IL10RB: variants seen among roughly 807,000 people sequenced by gnomAD.
The protein encoded by IL10RB is interleukin-10 receptor subunit beta.
IL10RB carries 30 observed loss-of-function variants against 38.7 expected under a neutral mutation model. That is an observed-to-expected ratio of 0.78 (90% confidence interval 0.58 to 1.05). The LOEUF (loss-of-function observed/expected upper bound fraction) is 1.05, where lower values mean the gene tolerates loss of function less well. Ranked by LOEUF, IL10RB falls within the 50% of genes least tolerant of loss-of-function variation. The pLI, the probability that IL10RB is intolerant of heterozygous loss-of-function variation, is 0.00. For synonymous variants in IL10RB, 142 were observed against 145.9 expected (o/e 0.97, Z 0.19); for missense variants, 328 against 397.1 (o/e 0.83, Z 1.48).
intron 1 of IL10RB, among the ~76,000 whole-genome samples, chr21:33,304,030 G>A (rs1165023084): frequency 6.6e-6 from 1 of 152,196 alleles, no homozygotes; most frequent in Non-Finnish European, 1.5e-5. Flanking sequence ...CAGGCAGAGG[G>A]CTGATGGGGC....
At chr21:33,285,588 C>T (rs1046765799) in intron 5 of IL10RB, among the ~76,000 whole-genome samples, 2 of 152,188 alleles carry the variant, frequency 1.3e-5, no homozygotes, top group African/African-American at 2.4e-5. Flanking sequence ...ATGTCACCAT[C>T]ACCCAGATGT....
chr21:33,270,923 C>T (rs1028908893), intron 2 of IL10RB, among the ~76,000 whole-genome samples: 1 of 151,616 alleles, frequency 6.6e-6, no homozygotes, highest in Non-Finnish European at 1.5e-5. Flanking sequence ...GATCCACCTG[C>T]CTCAGTCTCC....
rs922350498 is a variant in IL10RB, at chr21:33,296,339, G to T, written c.960G>T (p.Gly320=). Residue 320 remains glycine, a synonymous_variant, in exon 7 of 7, where the codon GGG becomes GGT. Transcript: ENST00000290200. ...GDSCSLGTPP[G]QGPQS is the part of the protein sequence containing the mutation. Reference sequence around the variant, plus strand: ...GCTGCAGCCTCGGGACCCCGCCTGGGCAGGGGCCCCAAAGCTAGGCTCTGA... The same window carrying T: ...GCTGCAGCCTCGGGACCCCGCCTGGTCAGGGGCCCCAAAGCTAGGCTCTGA... The T allele has an allele frequency of 6.2e-7, 1 of 1,613,580 alleles. No individual in the cohort carries two copies. Among genetic ancestry groups the T allele is most frequent in the Non-Finnish European group, 8.5e-7 (1 of 1,179,982 alleles).
chr21:33,290,263 G>A (rs985247017), intron 6 of IL10RB, among the ~76,000 whole-genome samples: 3 of 152,044 alleles, frequency 2.0e-5, no homozygotes, highest in African/African-American at 7.2e-5. Flanking sequence ...ACTCCACCCT[G>A]AGCAACAGAG....
chr21:33,276,794 C>T (rs1989179810), intron 3 of IL10RB, 41 bp downstream of exon 3: 1 of 1,578,568 alleles, frequency 6.3e-7, no homozygotes, highest in South Asian at 1.1e-5. Flanking sequence ...ATGTCATCAT[C>T]TTGCCTTGTT....
At chr21:33,284,078 C>G (rs1989328764) in intron 5 of IL10RB, among the ~76,000 whole-genome samples, 1 of 152,066 alleles carries the variant, frequency 6.6e-6, no homozygotes, top group South Asian at 2.1e-4. Context: ...GGCGGATCAC[C>G]TGAGGTCAGG....
intron 6 of IL10RB, among the ~76,000 whole-genome samples, chr21:33,293,532 A>AGTG (rs1989530244): frequency 1.3e-5 from 2 of 152,302 alleles, no homozygotes; most frequent in East Asian, 3.9e-4. Flanking sequence ...CCCTACAGAG[A>AGTG]GTGCCAGGCC....
chr21:33,291,593 T>TTCA (rs1989488182), intron 6 of IL10RB, among the ~76,000 whole-genome samples: 1 of 152,152 alleles, frequency 6.6e-6, no homozygotes, highest in Non-Finnish European at 1.5e-5. Flanking sequence ...AGGAACAGAA[T>TTCA]TCAACACCTA....
intron 1 of IL10RB, 67 bp downstream of exon 1, chr21:33,266,581 C>T (rs1224730785): frequency 6.8e-7 from 1 of 1,471,402 alleles, no homozygotes; most frequent in Non-Finnish European, 9.2e-7. Context: ...CGCCCCTGAT[C>T]CCATCCCTGG....
intron 4 of IL10RB, among the ~76,000 whole-genome samples, chr21:33,280,935 CCA>C (rs1989269231): frequency 6.6e-6 from 1 of 152,164 alleles, no homozygotes. Context: ...TTTCCTGCTG[CCA>C]CAACAAAATA....
chr21:33,279,888 G>A lies in IL10RB; in HGVS notation c.468G>A (p.Val156=). The A allele has an allele frequency of 6.2e-7, 1 of 1,613,886 alleles. No homozygotes were observed. Among genetic ancestry groups the A allele is most frequent in the Non-Finnish European group, 8.5e-7 (1 of 1,179,810 alleles). Residue 156 remains valine, a synonymous_variant, in exon 4 of 7, where the codon GTG becomes GTA. Transcript: ENST00000290200. ...TGTATAACTCATGGACTTATAATGT[G>A]CAATACTGGAAAAACGGTACTGATG... ...KNVYNSWTYN[V]QYWKNGTDEK...
chr21:33,287,026 CCA>C (rs966417106), intron 5 of IL10RB, among the ~76,000 whole-genome samples: 1 of 152,108 alleles, frequency 6.6e-6, no homozygotes, highest in African/African-American at 2.4e-5. Context: ...TTCTACCCTC[CCA>C]CAGAGACAGG....
chr21:33,277,537 C>G (rs1413370185), intron 3 of IL10RB, among the ~76,000 whole-genome samples: 1 of 151,938 alleles, frequency 6.6e-6, no homozygotes, highest in East Asian at 1.9e-4. Context: ...TCAAAACTCA[C>G]ATAGAGAAAA....
chr21:33,272,001 G>A (rs1489106959), intron 2 of IL10RB, among the ~76,000 whole-genome samples: 1 of 151,296 alleles, frequency 6.6e-6, no homozygotes, highest in East Asian at 1.9e-4. Context: ...AGGTAGGGAG[G>A]AAAAAAAATA....
chr21:33,277,334 C>CAAAAA (rs373338629), intron 3 of IL10RB, among the ~76,000 whole-genome samples: 1 of 136,192 alleles, frequency 7.3e-6, no homozygotes, highest in Non-Finnish European at 1.6e-5. Context: ...GACTTGGTCT[C>CAAAAA]AAAAAAAAAA....
chr21:33,307,125 C>T (rs1259489589), intron 1 of IL10RB, among the ~76,000 whole-genome samples: 1 of 152,200 alleles, frequency 6.6e-6, no homozygotes, highest in Non-Finnish European at 1.5e-5. Flanking sequence ...TCTGCAGGGG[C>T]TCAGCCTACT....
chr21:33,298,208 G>T (rs1021322566), downstream of IL10RB, among the ~76,000 whole-genome samples: 1 of 152,078 alleles, frequency 6.6e-6, no homozygotes, highest in African/African-American at 2.4e-5. Flanking sequence ...ATCAAGACTC[G>T]CATTTTACCT....
chr21:33,271,209 T>A (rs889047377), intron 2 of IL10RB, among the ~76,000 whole-genome samples: 1 of 152,180 alleles, frequency 6.6e-6, no homozygotes, highest in East Asian at 1.9e-4. Flanking sequence ...GATTGCCTCA[T>A]GTGGCTCTAC....
At chr21:33,297,813 G>A (rs1393812223), downstream of IL10RB, among the ~76,000 whole-genome samples, 3 of 150,470 alleles carry the variant, frequency 2.0e-5, no homozygotes, top group East Asian at 5.8e-4. Context: ...ATGAGACCCT[G>A]TCAAAAAAAA....
Sources: gnomAD v4.1 joint callset for allele counts (sites outside exome capture counted in the v4.1 genomes callset) on GRCh38, gnomAD v4.1.1 for gene constraint, MANE v1.5 for transcripts, NCBI Gene and HGNC (gene_info 2026-07-23, HGNC 2026-07-21) for gene names.